CDH13: variants seen among roughly 807,000 people sequenced by gnomAD.
The protein encoded by CDH13 is cadherin-13.
A neutral mutation model predicts 63.8 loss-of-function variants in CDH13; 24 were observed. The observed-to-expected ratio is 0.38, with a 90% confidence interval of 0.27 to 0.53. CDH13 has a LOEUF of 0.53. CDH13 is among the 20% of genes least tolerant of loss of function. The probability of loss-of-function intolerance (pLI) is 0.85; values close to 1 mark genes in which losing one functional copy is unlikely to be tolerated. For synonymous variants in CDH13, 503 were observed against 355.3 expected, an observed-to-expected ratio of 1.42 and a Z score of -4.67; for missense variants, 1,049 against 903.1, an observed-to-expected ratio of 1.16 and a Z score of -2.07.
chr16:83,545,596 A>G (rs865780088), intron 7 of CDH13, among the ~76,000 whole-genome samples: 4 of 152,152 alleles, frequency 2.6e-5, no homozygotes, highest in African/African-American at 7.2e-5. Context: ...CAGTGATGGA[A>G]TTAAAGTCCT....
intron 1 of CDH13, among the ~76,000 whole-genome samples, chr16:82,744,914 C>T (rs964695035): frequency 6.6e-6 from 1 of 152,188 alleles, no homozygotes; most frequent in Non-Finnish European, 1.5e-5. Context: ...CCTGTGGCCA[C>T]CATACAGGGC....
intron 4 of CDH13, among the ~76,000 whole-genome samples, chr16:83,184,329 G>A (rs1017077168): frequency 6.6e-6 from 1 of 151,952 alleles, no homozygotes; most frequent in African/African-American, 2.4e-5. Flanking sequence ...AAACTCTGTC[G>A]ACTCTTTGCT....
intron 1 of CDH13, among the ~76,000 whole-genome samples, chr16:82,803,851 A>G (rs1272821674): frequency 6.6e-6 from 1 of 152,224 alleles, no homozygotes; most frequent in Non-Finnish European, 1.5e-5. Context: ...GGTATAAAGC[A>G]TCAATTATAT....
At chr16:83,177,971 A>T (rs979857727) in intron 4 of CDH13, among the ~76,000 whole-genome samples, 5 of 152,148 alleles carry the variant, frequency 3.3e-5, no homozygotes, top group African/African-American at 9.7e-5. Flanking sequence ...ATCCTGAATG[A>T]TAGATTGAGG....
intron 6 of CDH13, among the ~76,000 whole-genome samples, chr16:83,420,768 G>A (rs2071691428): frequency 6.6e-6 from 1 of 152,178 alleles, no homozygotes; most frequent in Non-Finnish European, 1.5e-5. Context: ...CCCAAAACTA[G>A]GGAAACCAAC....
intron 6 of CDH13, among the ~76,000 whole-genome samples, chr16:83,345,235 A>T (rs2090815265): frequency 6.6e-6 from 1 of 152,214 alleles, no homozygotes; most frequent in African/African-American, 2.4e-5. Flanking sequence ...TCATCCTCCA[A>T]GGATGACTGC....
At chr16:82,884,021 T>G (rs950299847) in intron 2 of CDH13, among the ~76,000 whole-genome samples, 27 of 152,154 alleles carry the variant, frequency 1.8e-4, no homozygotes, top group African/African-American at 6.0e-4. Context: ...GGTGTTTTTT[T>G]TTGGGTGTAT....
At chr16:82,859,524 C>G (rs1270761579) in intron 2 of CDH13, 1 of 151,818 alleles carries the variant, frequency 6.6e-6, no homozygotes, top group Non-Finnish European at 1.5e-5. Context: ...TACCATTGCA[C>G]TCCAACCTGG....
Position 82,690,767 on chromosome 16 carries a change from G to T in CDH13, c.45+63630G>T, listed in dbSNP as rs550759582. On this transcript the variant is annotated intron_variant, in intron 1 of 13. Coordinates refer to ENST00000567109, the MANE Select transcript of CDH13 (RefSeq NM_001257.5). ...GCATGTGTGCACATGCAGCACACCT[G>T]GCCTGGCACAACCTGCTCACACCTC... is the stretch of plus-strand genomic sequence containing the variant. 5.9e-5 allele frequency among the ~76,000 whole-genome samples: 9 copies of T among 152,354 alleles called. No homozygotes were observed. In the South Asian group the frequency reaches 1.9e-3, roughly 32 times the overall value.
At chr16:83,705,286 AAGT>A (rs1263089069) in intron 10 of CDH13, among the ~76,000 whole-genome samples, 1 of 152,172 alleles carries the variant, frequency 6.6e-6, no homozygotes, top group Non-Finnish European at 1.5e-5. Context: ...CTGGAAAACA[AAGT>A]AGACAACCAA....
chr16:83,270,637 T>A (rs1012562837), intron 5 of CDH13, among the ~76,000 whole-genome samples: 1 of 152,096 alleles, frequency 6.6e-6, no homozygotes, highest in Admixed American at 6.5e-5. Flanking sequence ...AAGGCCCTCA[T>A]TGACACAGAT....
chr16:83,261,192 G>A (rs948806057), intron 5 of CDH13, among the ~76,000 whole-genome samples: 10 of 152,258 alleles, frequency 6.6e-5, no homozygotes, highest in African/African-American at 1.9e-4. Context: ...GCGTGCATGC[G>A]GAGTGGGCAG....
At chr16:83,168,816 G>T (rs751442500) in intron 4 of CDH13, among the ~76,000 whole-genome samples, 1 of 151,744 alleles carries the variant, frequency 6.6e-6, no homozygotes, top group African/African-American at 2.4e-5. Context: ...TTATTTTCTG[G>T]GAATGTTCTC....
chr16:83,096,984 T>C (rs1284660574), intron 3 of CDH13, among the ~76,000 whole-genome samples: 3 of 152,196 alleles, frequency 2.0e-5, no homozygotes, highest in Non-Finnish European at 4.4e-5. Context: ...GGTCCTGTCC[T>C]TTGAATAATG....
chr16:83,374,894 A>G (rs530332393), intron 6 of CDH13, among the ~76,000 whole-genome samples: 35 of 152,180 alleles, frequency 2.3e-4, no homozygotes, highest in Non-Finnish European at 4.6e-4. Flanking sequence ...CCTTTCTACC[A>G]CATCCAAATG....
At chr16:82,910,404 C>T (rs2041792468) in intron 2 of CDH13, among the ~76,000 whole-genome samples, 1 of 152,176 alleles carries the variant, frequency 6.6e-6, no homozygotes, top group African/African-American at 2.4e-5. Context: ...CTTCTTATCC[C>T]TCCAGCCCCT....
At position 83,229,559 on chromosome 16, in the gene CDH13, C is replaced by T. The variant is rs182430519; in HGVS notation, c.636+12062C>T. ...TCAAAATTTATTAAACACAGTTGGC[C>T]AGAGCTGTTAGCTGTTGATTTCTTT... On this transcript the variant is annotated intron_variant, in intron 5 of 13. Coordinates refer to ENST00000567109, the MANE Select transcript of CDH13 (RefSeq NM_001257.5). Among the ~76,000 whole-genome samples, 52 of 152,058 alleles carry T rather than the reference C, an allele frequency of 3.4e-4. No homozygotes were observed. The East Asian group carries it at 3.7e-3, about 11-fold the overall frequency.
chr16:83,604,884 A>T (rs1908183517), intron 8 of CDH13, among the ~76,000 whole-genome samples: 1 of 152,192 alleles, frequency 6.6e-6, no homozygotes, highest in South Asian at 2.1e-4. Flanking sequence ...GAAAAAAAGA[A>T]ATCTTTGCTC....
intron 5 of CDH13, among the ~76,000 whole-genome samples, chr16:83,278,286 G>A (rs1464144536): frequency 1.3e-5 from 2 of 152,152 alleles, no homozygotes; most frequent in Non-Finnish European, 2.9e-5. Context: ...ACCAGATCCA[G>A]CTTAAAGTCA....
Sources: allele counts gnomAD v4.1 joint callset (sites outside exome capture counted in the v4.1 genomes callset), GRCh38; gene constraint gnomAD v4.1.1; transcripts MANE v1.5; gene names NCBI Gene and HGNC (gene_info 2026-07-23, HGNC 2026-07-21).